FAM220A: variants seen among roughly 807,000 people sequenced by gnomAD.
FAM220A encodes the protein protein FAM220A.
For synonymous variants in FAM220A, 141 were observed against 130.7 expected (o/e 1.08, Z -0.54); for missense variants, 392 against 321.6 (o/e 1.22, Z -1.68).
Position 6,330,379 on chromosome 7 carries a change from C to G in FAM220A, c.776G>C (p.Ser259Thr). 1 of 1,609,654 alleles carries G rather than the reference C, an allele frequency of 6.2e-7. No homozygotes were observed. Among genetic ancestry groups the G allele is most frequent in the Non-Finnish European group, 8.5e-7 (1 of 1,178,642 alleles). ...TGGTATTGTTCTGCTTGTACCTTAA[C>G]TATGGCATAATGTATTTGCTAATTC... Reference protein sequence around the residue: ...PFELANTLCHS With the variant: ...PFELANTLCHT The change falls in exon 2 of 2, where the codon AGT becomes ACT. Residue 259 changes from serine to threonine, a missense_variant. Ser to Thr is a moderately conservative substitution (Grantham distance 58). Coordinates refer to ENST00000313324, the MANE Select transcript of FAM220A (RefSeq NM_001037163.2).
chr7:6,343,046 A>C (rs35135644), intron 1 of FAM220A, among the ~76,000 whole-genome samples: 38,773 of 146,222 alleles, frequency 0.27, 5,056 homozygotes, highest in East Asian at 0.31. Flanking sequence ...CAAAAAAAAA[A>C]AAGAAAAAAG....
rs1418917991 is a variant in FAM220A at position 6,330,545 on chromosome 7, G to A, written c.610C>T (p.Leu204=). 8.7e-6 allele frequency: 14 copies of A among 1,614,146 alleles called. No individual in the cohort carries two copies. Among genetic ancestry groups the A allele is most frequent in the Non-Finnish European group, 1.2e-5 (14 of 1,180,028 alleles). ...AAAATGCGTTTTGTCTCCTCACTCA[G>A]GAGCACTTCGGGATACACGTGCAGC... ...ATLHVYPEVL[L]SEETKRIFLD... Residue 204 remains leucine (L), a synonymous_variant, in exon 2 of 2, where the codon CTG becomes TTG. Coordinates refer to ENST00000313324, the MANE Select transcript of FAM220A (RefSeq NM_001037163.2).
Position 6,330,811 on chromosome 7 carries a change from G to C in FAM220A, c.344C>G (p.Ala115Gly). Reference sequence around the variant, plus strand: ...TTCAACACCACTGCAGGACACCCGAGCAAAACACTCTGTTGGAGCAGGGAA... The same window carrying C: ...TTCAACACCACTGCAGGACACCCGACCAAAACACTCTGTTGGAGCAGGGAA... Reference protein sequence around the residue: ...GLFPAPTECFARVSCSGVEAL... With the variant: ...GLFPAPTECFGRVSCSGVEAL... Residue 115 changes from alanine (A) to glycine (G), a missense_variant, in exon 2 of 2, where the codon GCT becomes GGT. Physicochemically the swap from Ala to Gly is moderately conservative, Grantham distance 60 (BLOSUM62 0). Transcript: ENST00000313324. 6.2e-7 allele frequency: 1 copy of C among 1,614,180 alleles called. No individual in the cohort carries two copies. The highest frequency in any genetic ancestry group is 8.5e-7 in the Non-Finnish European group (1 of 1,180,030).
intron 1 of FAM220A, among the ~76,000 whole-genome samples, chr7:6,348,214 T>C (rs1177644873): frequency 7.5e-6 from 1 of 133,028 alleles, no homozygotes; most frequent in Non-Finnish European, 1.6e-5. Flanking sequence ...CCGAGACCCG[T>C]CTTTACAATT....
chr7:6,330,684 G>C lies in FAM220A; in HGVS notation c.471C>G (p.Arg157=). ...KGEPRVSRLP[R]HQKVPEMGSF... ...TTCCCATTTCCGGCACTTTTTGATG[G>C]CGTGGCAGTCGTGACACCCGAGGCT... Residue 157 remains arginine, a synonymous_variant, in exon 2 of 2, where the codon CGC becomes CGG. Coordinates refer to ENST00000313324, the MANE Select transcript of FAM220A (RefSeq NM_001037163.2). 6.2e-7 allele frequency: 1 copy of C among 1,614,102 alleles called. No homozygotes were observed. The highest frequency in any genetic ancestry group is 8.5e-7 in the Non-Finnish European group (1 of 1,180,008).
rs1432020549 is a variant in FAM220A at position 6,331,071 on chromosome 7, G to A, written c.84C>T (p.Cys28=). The part of the protein sequence containing the change: ...AGGGDSDKLS[C]SLKKRMPEGP... ...CCTCCGGCATTCTTTTCTTAAGGCT[G>A]CATGATAGTTTGTCCGAGTCACCTC... The change falls in exon 2 of 2, where the codon TGC becomes TGT. Residue 28 remains cysteine (C), a synonymous_variant. Transcript: ENST00000313324. 6.8e-6 allele frequency: 11 copies of A among 1,613,556 alleles called. No individual in the cohort carries two copies. Among genetic ancestry groups the A allele is most frequent in the Non-Finnish European group, 7.6e-6 (9 of 1,180,050 alleles).
chr7:6,345,576 C>T (rs1401497916), intron 1 of FAM220A, among the ~76,000 whole-genome samples: 1 of 152,118 alleles, frequency 6.6e-6, no homozygotes, highest in Non-Finnish European at 1.5e-5. Flanking sequence ...TGGTAAAGAG[C>T]ATACCAATTT....
chr7:6,343,385 T>C lies in FAM220A; in HGVS notation c.-82+5188A>G, dbSNP rs1471713495. Among the ~76,000 whole-genome samples the C allele has an allele frequency of 3.5e-5, 4 of 114,474 alleles. 1 individual carries two copies. In the Admixed American group the frequency reaches 4.1e-4, roughly 12 times the overall value. The allele number at this position is 114,474 out of a possible 152,430, so 75.1% of individuals were successfully genotyped here. On this transcript the variant is annotated intron_variant, in intron 1 of 1. Transcript: ENST00000313324. ...AGAGTGAAACTCCGTCTCAAAAAAA[T>C]AATAATAATTTCATATATATATATA...
intron 1 of FAM220A, among the ~76,000 whole-genome samples, chr7:6,337,351 A>G (rs940848657): frequency 6.6e-6 from 1 of 151,122 alleles, no homozygotes; most frequent in African/African-American, 2.4e-5. Flanking sequence ...CTAACTCCTG[A>G]CCTCAGGTGA....
At position 6,330,228 on chromosome 7, in the gene FAM220A, A is replaced by T; in HGVS notation, c.*147T>A. On this transcript the variant is annotated 3_prime_UTR_variant, in exon 2 of 2. Transcript: ENST00000313324. ...TTCCGCATCAACTGGCTTTGAATTTAAACTCAATTTACTTTAAGTCTGCCA... is the reference window on the plus strand; with the variant it reads ...TTCCGCATCAACTGGCTTTGAATTTTAACTCAATTTACTTTAAGTCTGCCA... 1 of 795,886 alleles carries T rather than the reference A, an allele frequency of 1.3e-6. No homozygotes were observed. The allele number at this position is 795,886 out of a possible 1,614,324, so 49.3% of individuals were successfully genotyped here.
At chr7:6,336,570 A>G (rs1381693041) in intron 1 of FAM220A, among the ~76,000 whole-genome samples, 3 of 151,622 alleles carry the variant, frequency 2.0e-5, no homozygotes, top group Middle Eastern at 3.2e-3. Flanking sequence ...AATCCCAGCT[A>G]TTAGTCAGGA....
At chr7:6,335,918 A>G (rs1179183653) in intron 1 of FAM220A, among the ~76,000 whole-genome samples, 2 of 151,946 alleles carry the variant, frequency 1.3e-5, no homozygotes, top group Non-Finnish European at 2.9e-5. Flanking sequence ...CACACCTGTA[A>G]TCCCAGCACT....
In FAM220A at chr7:6,330,532, G is replaced by A. The variant is rs760253428; in HGVS notation, c.623C>T (p.Thr208Ile). 1 of 1,614,152 alleles carries A rather than the reference G, an allele frequency of 6.2e-7. No homozygotes were observed. The highest frequency in any genetic ancestry group is 8.5e-7 in the Non-Finnish European group (1 of 1,180,038). The stretch of plus-strand genomic sequence containing the variant: ...TAAACGGTCAAGGAAAATGCGTTTT[G>A]TCTCCTCACTCAGGAGCACTTCGGG... ...VYPEVLLSEE[T>I]KRIFLDRLKP... The change falls in exon 2 of 2, where the codon ACA (threonine) becomes ATA (isoleucine). Residue 208 changes from threonine to isoleucine, a missense_variant. Transcript: ENST00000313324.
At chr7:6,332,565 C>G (rs1453904782) in intron 1 of FAM220A, among the ~76,000 whole-genome samples, 2 of 152,102 alleles carry the variant, frequency 1.3e-5, no homozygotes, top group Non-Finnish European at 2.9e-5. Context: ...TGCTTATAAA[C>G]TCAGCAGCTA....
intron 1 of FAM220A, among the ~76,000 whole-genome samples, chr7:6,335,846 G>C (rs1010708414): frequency 6.6e-6 from 1 of 151,302 alleles, no homozygotes; most frequent in Non-Finnish European, 1.5e-5. Context: ...ACCAGCCTGG[G>C]CAACACAGCA....
At chr7:6,334,723 C>G (rs1467553446) in intron 1 of FAM220A, among the ~76,000 whole-genome samples, 1 of 152,090 alleles carries the variant, frequency 6.6e-6, no homozygotes, top group Non-Finnish European at 1.5e-5. Context: ...GCCTTGGCCT[C>G]CCAAAGTGCT....
In FAM220A at chr7:6,330,275, G is replaced by GAACC. The variant is rs762025917; in HGVS notation, c.*96_*99dup. The GAACC allele has an allele frequency of 4.3e-5, 50 of 1,156,546 alleles. No individual in the cohort carries two copies. The highest frequency in any genetic ancestry group is 3.7e-4 in the Admixed American group (14 of 37,818). 71.6% of individuals were successfully genotyped at this position (1,156,546 alleles called of 1,614,324 possible). ...GCCAGGTCGTACAAAACTACAGCAG[G>GAACC]AACCTAAGGGCTGCACAGTTTGCAT... On this transcript the variant is annotated 3_prime_UTR_variant, in exon 2 of 2. Coordinates refer to ENST00000313324, the MANE Select transcript of FAM220A (RefSeq NM_001037163.2).
chr7:6,346,622 G>A (rs143124801), intron 1 of FAM220A, among the ~76,000 whole-genome samples: 2 of 152,192 alleles, frequency 1.3e-5, no homozygotes, highest in East Asian at 3.9e-4. Flanking sequence ...CTTAAGCGAC[G>A]CAGACACCTT....
intron 1 of FAM220A, among the ~76,000 whole-genome samples, chr7:6,336,738 C>T (rs1043257820): frequency 2.0e-5 from 3 of 151,828 alleles, no homozygotes; most frequent in Non-Finnish European, 2.9e-5. Context: ...ACTGCAGCCT[C>T]GACTTCCTCA....
Sources: allele counts gnomAD v4.1 joint callset (sites outside exome capture counted in the v4.1 genomes callset), GRCh38; gene constraint gnomAD v4.1.1; transcripts MANE v1.5; gene names NCBI Gene and HGNC (gene_info 2026-07-23, HGNC 2026-07-21).